The following SMAP1 variants were observed in gnomAD, a reference collection of about 807,000 sequenced individuals.
The protein encoded by SMAP1 is stromal membrane-associated protein 1.
A neutral mutation model predicts 58.5 loss-of-function variants in SMAP1; 24 were observed. That is an observed-to-expected ratio of 0.41 (90% CI 0.30 to 0.58). SMAP1 has a LOEUF of 0.58. SMAP1 is among the 20% of genes least tolerant of loss of function. SMAP1 has a pLI of 0.29. For missense variants in SMAP1, 563 were observed against 566.3 expected (o/e 0.99, Z 0.06); for synonymous variants, 216 against 196.6 (o/e 1.10, Z -0.82).
Position 70,791,691 on chromosome 6 carries a change from T to G in SMAP1, c.417T>G (p.Ile139Met). 2 of 1,612,584 alleles carry G rather than the reference T, an allele frequency of 1.2e-6. No homozygotes were observed. The highest frequency in any genetic ancestry group is 1.7e-6 in the Non-Finnish European group (2 of 1,179,328). Residue 139 changes from isoleucine to methionine, a missense_variant and splice_region_variant, in exon 5 of 11, where the codon ATT (isoleucine) becomes ATG (methionine). Around this residue, in one of 3 missense-constraint regions of SMAP1, gnomAD observed 494 missense variants for 473.8 expected, o/e 1.04. Transcript: ENST00000370455. Reference sequence around the variant, plus strand: ...GACTTTTCACCTGTACTCCACAGATTTCCTCCTCTGATGCTCCTCTTCAGC... The same window carrying G: ...GACTTTTCACCTGTACTCCACAGATGTCCTCCTCTGATGCTCCTCTTCAGC... ...YDKNAIAITN[I>M]SSSDAPLQPL...
chr6:70,776,341 C>T (rs1218258785), intron 4 of SMAP1, among the ~76,000 whole-genome samples: 1 of 152,058 alleles, frequency 6.6e-6, no homozygotes, highest in Non-Finnish European at 1.5e-5. Context: ...CTACCACGCC[C>T]AGCTAATTTT....
chr6:70,844,323 G>A (rs1031835476), intron 7 of SMAP1, among the ~76,000 whole-genome samples: 3 of 151,742 alleles, frequency 2.0e-5, no homozygotes, highest in Non-Finnish European at 4.4e-5. Context: ...ATCAGAGTGC[G>A]TGTGTGTGTG....
At chr6:70,718,656 C>T (rs1053567302) in intron 1 of SMAP1, among the ~76,000 whole-genome samples, 1 of 151,808 alleles carries the variant, frequency 6.6e-6, no homozygotes, top group Non-Finnish European at 1.5e-5. Context: ...CCCGTCTCTG[C>T]TAAAAATACA....
chr6:70,697,856 T>C (rs1234366848), intron 1 of SMAP1, among the ~76,000 whole-genome samples: 6 of 152,240 alleles, frequency 3.9e-5, no homozygotes, highest in Admixed American at 3.9e-4. Context: ...TTCTATCTTA[T>C]TGTATTGTGT....
rs1361489819 is a variant in SMAP1 at position 70,861,999 on chromosome 6, A to T, written c.*1665A>T. ...AAATCCTTTGTGAAAAATAAAAAAAAAAAAGAGACTTTAAAATCCTGGTGT... is the reference window on the plus strand; with the variant it reads ...AAATCCTTTGTGAAAAATAAAAAAATAAAAGAGACTTTAAAATCCTGGTGT... On this transcript the variant is annotated 3_prime_UTR_variant, in exon 11 of 11. Transcript: ENST00000370455. 3.2e-6 allele frequency: 5 copies of T among 1,567,268 alleles called. No homozygotes were observed. The East Asian group carries it at 9.0e-5, about 28-fold the overall frequency.
intron 6 of SMAP1, among the ~76,000 whole-genome samples, chr6:70,818,919 TC>T (rs35601677): frequency 0.42 from 64,203 of 151,866 alleles, 14,055 homozygotes; most frequent in South Asian, 0.5. Flanking sequence ...AATGTATAGT[TC>T]AGTGGCTTCT....
chr6:70,771,777 G>A lies in SMAP1; in HGVS notation c.339-1573G>A, dbSNP rs1237765399. Among the ~76,000 whole-genome samples the A allele has an allele frequency of 2.0e-5, 3 of 152,110 alleles. No individual in the cohort carries two copies. In the South Asian group the frequency reaches 6.2e-4, roughly 32 times the overall value. On this transcript the variant is annotated intron_variant, in intron 3 of 10. Transcript: ENST00000370455. ...CACCACTGTCCTGTGCCCACTGTCT[G>A]GTACTCCCTAGTGAGATGAATCCGG...
In SMAP1 at chr6:70,776,691, TC is replaced by T. The variant is rs548908605; in HGVS notation, c.414+3268del. Among the ~76,000 whole-genome samples the T allele has an allele frequency of 1.1e-3, 167 of 152,268 alleles. 1 individual carries two copies. Among genetic ancestry groups the T allele is most frequent in the Non-Finnish European group, 2.1e-3 (144 of 68,016 alleles). On this transcript the variant is annotated intron_variant, in intron 4 of 10. Coordinates refer to ENST00000370455, the MANE Select transcript of SMAP1 (RefSeq NM_001044305.3). ...AATGTCCATAGTTCTTCCCTCTACT[TC>T]CATGAGTTCAGTTTTTCTTAGCTCA...
intron 1 of SMAP1, among the ~76,000 whole-genome samples, chr6:70,725,090 AGT>A (rs775421217): frequency 2.0e-5 from 2 of 101,210 alleles, no homozygotes; most frequent in African/African-American, 3.4e-5. Flanking sequence ...TAAATTAACC[AGT>A]GTTTTTTTTT....
intron 3 of SMAP1, among the ~76,000 whole-genome samples, chr6:70,757,291 G>A (rs1455174596): frequency 2.0e-5 from 3 of 149,312 alleles, no homozygotes; most frequent in Admixed American, 1.3e-4. Flanking sequence ...TTTAATAAAT[G>A]GTGCTGGGAA....
Position 70,860,661 on chromosome 6 carries a change from T to G in SMAP1, c.*327T>G. On this transcript the variant is annotated 3_prime_UTR_variant, in exon 11 of 11. Coordinates refer to ENST00000370455, the MANE Select transcript of SMAP1 (RefSeq NM_001044305.3). The stretch of plus-strand genomic sequence containing the variant: ...TAATGTTTGCATATAAGGGAAGTAG[T>G]TATCATGTTAGTAATACCTCTAATA... 1 of 417,934 alleles carries G rather than the reference T, an allele frequency of 2.4e-6. No homozygotes were observed. Among genetic ancestry groups the G allele is most frequent in the Non-Finnish European group, 4.2e-6 (1 of 237,080 alleles). 25.9% of individuals were successfully genotyped at this position (417,934 alleles called of 1,614,324 possible).
At chr6:70,859,202 C>T in intron 10 of SMAP1, 1 of 598,348 alleles carries the variant, frequency 1.7e-6, no homozygotes, top group Non-Finnish European at 2.9e-6. Context: ...TGGTCTCTAC[C>T]CGCTGGGAAT....
intron 3 of SMAP1, among the ~76,000 whole-genome samples, chr6:70,757,545 T>C (rs1285941857): frequency 2.0e-5 from 3 of 151,522 alleles, no homozygotes; most frequent in Non-Finnish European, 4.4e-5. Context: ...AAAGAGCTTC[T>C]GCACAGCAAA....
rs552847795 is a variant in SMAP1 at position 70,861,754 on chromosome 6, A to G, written c.*1420A>G. 2 of 1,614,076 alleles carry G rather than the reference A, an allele frequency of 1.2e-6. No homozygotes were observed. The highest frequency in any genetic ancestry group is 2.7e-5 in the African/African-American group (2 of 75,020). ...CCGAGTGTGCCACACGAGAACCTGA[A>G]GGGGAAGGAAATAGCTTGGGTAGCG... On this transcript the variant is annotated 3_prime_UTR_variant, in exon 11 of 11. Transcript: ENST00000370455.
At chr6:70,790,828 G>A (rs1052783666) in intron 4 of SMAP1, among the ~76,000 whole-genome samples, 8 of 152,210 alleles carry the variant, frequency 5.3e-5, no homozygotes, top group Non-Finnish European at 1.2e-4. Flanking sequence ...TGATAGGGCA[G>A]TATAGAGATG....
intron 6 of SMAP1, among the ~76,000 whole-genome samples, chr6:70,831,559 G>A (rs1370653350): frequency 6.6e-6 from 1 of 152,114 alleles, no homozygotes; most frequent in Non-Finnish European, 1.5e-5. Flanking sequence ...TAGGATAATG[G>A]CCTCCAGCTC....
At chr6:70,751,120 C>T (rs1766258951) in intron 2 of SMAP1, among the ~76,000 whole-genome samples, 1 of 152,010 alleles carries the variant, frequency 6.6e-6, no homozygotes, top group Non-Finnish European at 1.5e-5. Flanking sequence ...CGCATCTGTA[C>T]TCGCAGCTAC....
chr6:70,702,723 C>T lies in SMAP1; in HGVS notation c.119-29655C>T, dbSNP rs2149830146. On this transcript the variant is annotated intron_variant, in intron 1 of 10. Transcript: ENST00000370455. The stretch of plus-strand genomic sequence containing the variant: ...GTGATCTCAGCTCACTGCAACCTCC[C>T]AGGCTCAAGCCATTGTCCCACCTCA... 2.0e-5 allele frequency among the ~76,000 whole-genome samples: 3 copies of T among 151,824 alleles called. No individual in the cohort carries two copies. In the South Asian group the frequency reaches 6.2e-4, roughly 32 times the overall value.
intron 1 of SMAP1, among the ~76,000 whole-genome samples, chr6:70,678,765 C>T (rs1235699956): frequency 6.6e-6 from 1 of 152,144 alleles, no homozygotes; most frequent in Non-Finnish European, 1.5e-5. Flanking sequence ...ATGGCTCCTT[C>T]CTCCATCTTT....
Sources: allele counts gnomAD v4.1 joint callset (sites outside exome capture counted in the v4.1 genomes callset), GRCh38; gene constraint gnomAD v4.1.1; regional missense constraint gnomAD v4.1.1; transcripts MANE v1.5; gene names NCBI Gene and HGNC (gene_info 2026-07-23, HGNC 2026-07-21).